Variants in CTNNA3 observed in about 807,000 individuals in gnomAD.
CTNNA3 encodes catenin alpha-3.
CTNNA3 carries 76 observed loss-of-function variants against 95.7 expected under a neutral mutation model. The observed-to-expected ratio is 0.79, with a 90% confidence interval of 0.66 to 0.96. The LOEUF (loss-of-function observed/expected upper bound fraction) is 0.96, where lower values mean the gene tolerates loss of function less well. Ranked by LOEUF, CTNNA3 falls within the 40% of genes least tolerant of loss-of-function variation. The pLI, the probability that CTNNA3 is intolerant of heterozygous loss-of-function variation, is 0.00. For missense variants in CTNNA3, 1,191 were observed against 1,089.8 expected (o/e 1.09, Z -1.31); for synonymous variants, 431 against 374.4 (o/e 1.15, Z -1.74).
At chr10:66,700,064 A>G (rs1847895181) in intron 9 of CTNNA3, among the ~76,000 whole-genome samples, 1 of 152,014 alleles carries the variant, frequency 6.6e-6, no homozygotes, top group Non-Finnish European at 1.5e-5. Flanking sequence ...TCCTTGTCAG[A>G]TAGTTTGCAA....
At chr10:67,738,659 C>T (rs991042210) in intron 1 of CTNNA3, among the ~76,000 whole-genome samples, 9 of 151,558 alleles carry the variant, frequency 5.9e-5, no homozygotes, top group Admixed American at 5.3e-4. Context: ...GGAGGAAGTC[C>T]GAACCCATGA....
chr10:66,659,229 T>G (rs1332098767), intron 9 of CTNNA3, among the ~76,000 whole-genome samples: 1 of 151,006 alleles, frequency 6.6e-6, no homozygotes, highest in African/African-American at 2.4e-5. Context: ...TACGTGTAGT[T>G]CAATTTAACT....
intron 16 of CTNNA3, among the ~76,000 whole-genome samples, chr10:65,972,656 C>T (rs2078127812): frequency 6.6e-6 from 1 of 151,924 alleles, no homozygotes; most frequent in African/African-American, 2.4e-5. Flanking sequence ...AAGATCTCTA[C>T]AAGGAGAACT....
At chr10:66,861,616 T>C (rs1244680481) in intron 7 of CTNNA3, among the ~76,000 whole-genome samples, 1 of 152,192 alleles carries the variant, frequency 6.6e-6, no homozygotes, top group Non-Finnish European at 1.5e-5. Flanking sequence ...AATTCATAAA[T>C]TATGTGATAA....
chr10:67,381,956 GA>G (rs1163639149), intron 5 of CTNNA3, among the ~76,000 whole-genome samples: 1 of 152,018 alleles, frequency 6.6e-6, no homozygotes, highest in East Asian at 1.9e-4. Context: ...ATGTACATTG[GA>G]AGTTCTTTGG....
chr10:66,767,540 G>T (rs187283849), intron 8 of CTNNA3, among the ~76,000 whole-genome samples: 4 of 151,306 alleles, frequency 2.6e-5, no homozygotes, highest in African/African-American at 9.7e-5. Flanking sequence ...TTTGAGTCAA[G>T]ACCTTCATAT....
chr10:66,519,620 T>G (rs1341737872), intron 11 of CTNNA3, among the ~76,000 whole-genome samples: 1 of 152,186 alleles, frequency 6.6e-6, no homozygotes, highest in Non-Finnish European at 1.5e-5. Flanking sequence ...CATTTGTCTC[T>G]TATCTACCTA....
intron 5 of CTNNA3, among the ~76,000 whole-genome samples, chr10:67,267,731 G>A (rs146027278): frequency 0.023 from 3,438 of 152,200 alleles, 63 homozygotes; most frequent in Admixed American, 0.07. Flanking sequence ...ATAAATACTA[G>A]AAGAAACAAT....
At chr10:66,516,339 T>C (rs1040073880) in intron 11 of CTNNA3, among the ~76,000 whole-genome samples, 6 of 152,214 alleles carry the variant, frequency 3.9e-5, no homozygotes, top group Admixed American at 3.9e-4. Flanking sequence ...AACCACTCAG[T>C]ATTTTAGGCA....
At chr10:66,813,179 G>T (rs1841948581) in intron 7 of CTNNA3, among the ~76,000 whole-genome samples, 2 of 152,144 alleles carry the variant, frequency 1.3e-5, no homozygotes, top group African/African-American at 4.8e-5. Flanking sequence ...TCTTCTGAGA[G>T]ACTTGCTCAT....
At chr10:67,022,564 G>A (rs1295988019) in intron 7 of CTNNA3, among the ~76,000 whole-genome samples, 1 of 152,172 alleles carries the variant, frequency 6.6e-6, no homozygotes, top group Non-Finnish European at 1.5e-5. Context: ...AGTGAATTTA[G>A]TAAGGTTGCA....
chr10:66,896,116 A>G (rs1845482096), intron 7 of CTNNA3, among the ~76,000 whole-genome samples: 1 of 152,016 alleles, frequency 6.6e-6, no homozygotes, highest in African/African-American at 2.4e-5. Flanking sequence ...ATAAAATAAA[A>G]TAAAATAAAA....
chr10:67,193,142 G>C (rs1452310349), intron 6 of CTNNA3, among the ~76,000 whole-genome samples: 1 of 151,820 alleles, frequency 6.6e-6, no homozygotes, highest in Non-Finnish European at 1.5e-5. Flanking sequence ...TGACCAGTGG[G>C]GGCAAACTTT....
At chr10:66,931,192 TAAAAA>T (rs3056552) in intron 7 of CTNNA3, among the ~76,000 whole-genome samples, 1 of 118,712 alleles carries the variant, frequency 8.4e-6, no homozygotes, top group South Asian at 2.9e-4. Context: ...TGACAACAGT[TAAAAA>T]AAAAAAAAAA....
At chr10:66,746,963 A>T (rs1838904118) in intron 9 of CTNNA3, among the ~76,000 whole-genome samples, 1 of 152,174 alleles carries the variant, frequency 6.6e-6, no homozygotes. Context: ...TTCATGGCAT[A>T]CTTTATAGAT....
intron 11 of CTNNA3, among the ~76,000 whole-genome samples, chr10:66,443,966 G>C (rs2093396649): frequency 6.6e-6 from 1 of 152,120 alleles, no homozygotes; most frequent in Non-Finnish European, 1.5e-5. Flanking sequence ...AACCAATGCA[G>C]AGAAGTCCTT....
intron 9 of CTNNA3, among the ~76,000 whole-genome samples, chr10:66,671,259 C>G (rs4143860): frequency 6.6e-6 from 1 of 151,866 alleles, no homozygotes; most frequent in Non-Finnish European, 1.5e-5. Context: ...TAAAATATGA[C>G]GCAATAACAA....
chr10:66,879,597 G>T (rs1844766065), intron 7 of CTNNA3, among the ~76,000 whole-genome samples: 1 of 152,076 alleles, frequency 6.6e-6, no homozygotes, highest in Non-Finnish European at 1.5e-5. Flanking sequence ...CCTAGTAGAA[G>T]AGATAAGACA....
intron 5 of CTNNA3, among the ~76,000 whole-genome samples, chr10:67,276,925 T>G (rs1839200069): frequency 1.3e-5 from 2 of 151,966 alleles, no homozygotes; most frequent in African/African-American, 4.8e-5. Context: ...ATAACTAGTG[T>G]TTTATAACAT....
Sources: allele counts gnomAD v4.1 joint callset (sites outside exome capture counted in the v4.1 genomes callset), GRCh38; gene constraint gnomAD v4.1.1; transcripts MANE v1.5; gene names NCBI Gene and HGNC (gene_info 2026-07-23, HGNC 2026-07-21).